JAKMIP3: variants seen among roughly 807,000 people sequenced by gnomAD.
The protein encoded by JAKMIP3 is janus kinase and microtubule-interacting protein 3.
A neutral mutation model predicts 118.5 loss-of-function variants in JAKMIP3; 58 were observed. The observed-to-expected ratio is 0.49, with a 90% CI of 0.40 to 0.61. The LOEUF is 0.61. Ranked by LOEUF, JAKMIP3 falls within the 20% of genes least tolerant of loss-of-function variation. The pLI is 0.00. For missense variants in JAKMIP3, 950 were observed against 1,109.0 expected (o/e 0.86, Z 2.04); for synonymous variants, 486 against 451.2 (o/e 1.08, Z -0.98).
At chr10:132,082,340 T>C (rs548913895) in intron 1 of JAKMIP3, among the ~76,000 whole-genome samples, 191 of 152,250 alleles carry the variant, frequency 1.3e-3, no homozygotes, top group Non-Finnish European at 2.0e-3. Context: ...TCAAGCAGTA[T>C]ACACTGCACC....
At chr10:132,097,928 C>CCCCTTTCCCTT (rs1564892804) in intron 1 of JAKMIP3, among the ~76,000 whole-genome samples, 16 of 20,436 alleles carry the variant, frequency 7.8e-4, no homozygotes, top group Non-Finnish European at 1.7e-3. Context: ...CCCTTTCCTT[C>CCCCTTTCCCTT]CCCTTCCCCT....
rs931821878 is a variant in JAKMIP3, at chr10:132,121,831, G to A, written c.633+4257G>A. ...CTCTCTGAGGGCGCTGCTTCTATGG[G>A]GTGGAACCTGTCCCACCAAGGTCCA... is the stretch of plus-strand genomic sequence containing the variant. On this transcript the variant is annotated intron_variant, in intron 3 of 23. Transcript: ENST00000684848. Among the ~76,000 whole-genome samples, 9 of 152,174 alleles carry A rather than the reference G, an allele frequency of 5.9e-5. No individual in the cohort carries two copies. In the South Asian group the frequency reaches 1.0e-3, roughly 18 times the overall value.
At chr10:132,161,027 G>C (rs2058157591) in intron 19 of JAKMIP3, among the ~76,000 whole-genome samples, 1 of 93,410 alleles carries the variant, frequency 1.1e-5, no homozygotes, top group African/African-American at 4.1e-5. Flanking sequence ...GATGCTGGGG[G>C]GGCCTCTTCC....
At chr10:132,060,281 G>A (rs1425240327), upstream of JAKMIP3, among the ~76,000 whole-genome samples, 2 of 152,130 alleles carry the variant, frequency 1.3e-5, no homozygotes, top group African/African-American at 2.4e-5. Context: ...CAAACTGCCC[G>A]GCCGGGAGGT....
At chr10:132,134,989 C>G (rs565847221) in intron 4 of JAKMIP3, 52 bp from the exon 5 acceptor site, 1 of 1,596,836 alleles carries the variant, frequency 6.3e-7, no homozygotes, top group African/African-American at 1.3e-5. Flanking sequence ...TTTGCAAAGG[C>G]TTCCCAGGCT....
chr10:132,134,250 C>T (rs934993622), intron 4 of JAKMIP3, among the ~76,000 whole-genome samples: 2 of 152,188 alleles, frequency 1.3e-5, no homozygotes, highest in Admixed American at 6.5e-5. Context: ...GAACTCGAGT[C>T]GGGCCCAGGA....
intron 13 of JAKMIP3, 23 bp from the exon 14 acceptor site, chr10:132,147,929 C>A: frequency 6.5e-7 from 1 of 1,535,702 alleles, no homozygotes; most frequent in Non-Finnish European, 8.9e-7. Flanking sequence ...GACCCCTCAC[C>A]TCATGCATCT....
intron 1 of JAKMIP3, among the ~76,000 whole-genome samples, chr10:132,077,070 A>G (rs1262889024): frequency 1.4e-4 from 22 of 152,132 alleles, no homozygotes; most frequent in Non-Finnish European, 1.5e-5. Flanking sequence ...GGCAGCCTCC[A>G]CCCCAGCGTG....
intron 1 of JAKMIP3, among the ~76,000 whole-genome samples, chr10:132,089,525 G>T (rs1182869270): frequency 6.6e-6 from 1 of 152,072 alleles, no homozygotes; most frequent in African/African-American, 2.4e-5. Flanking sequence ...TTATTGGTGT[G>T]TAGGAATGCT....
At chr10:132,145,001 A>G in intron 11 of JAKMIP3, 106 bp from the exon 12 acceptor site, 1 of 846,748 alleles carries the variant, frequency 1.2e-6, no homozygotes, top group Non-Finnish European at 1.9e-6. Context: ...GTCACTTCTC[A>G]ATGAACTGAA....
chr10:132,155,289 C>T (rs947583839), intron 19 of JAKMIP3, among the ~76,000 whole-genome samples: 1 of 152,072 alleles, frequency 6.6e-6, no homozygotes, highest in Non-Finnish European at 1.5e-5. Flanking sequence ...TACTCAAGAG[C>T]CTTTCCTATG....
upstream of JAKMIP3, among the ~76,000 whole-genome samples, chr10:132,063,915 A>C (rs2038497550): frequency 6.6e-6 from 1 of 152,236 alleles, no homozygotes; most frequent in African/African-American, 2.4e-5. Context: ...TGAGTGCAAC[A>C]CACACAGGCA....
intron 1 of JAKMIP3, among the ~76,000 whole-genome samples, chr10:132,087,979 T>C (rs1440743021): frequency 1.3e-5 from 2 of 152,168 alleles, no homozygotes; most frequent in African/African-American, 4.8e-5. Context: ...GTCCTTGTGA[T>C]AATTTGCTGA....
chr10:132,138,211 T>G (rs1564945228), intron 9 of JAKMIP3, 33 bp downstream of exon 9: 2 of 1,575,796 alleles, frequency 1.3e-6, no homozygotes, highest in East Asian at 2.3e-5. Flanking sequence ...GTGCGGAGAG[T>G]ACGCCGGGTG....
At chr10:132,061,404 T>C (rs1209946513), upstream of JAKMIP3, among the ~76,000 whole-genome samples, 1 of 152,218 alleles carries the variant, frequency 6.6e-6, no homozygotes, top group Non-Finnish European at 1.5e-5. Context: ...CCTAAATAAA[T>C]GGAGAACTAG....
chr10:132,167,108 G>C (rs896817993), intron 22 of JAKMIP3, 53 bp downstream of exon 22: 4 of 1,262,478 alleles, frequency 3.2e-6, no homozygotes, highest in African/African-American at 1.5e-5. Context: ...CTTCCCGGAA[G>C]ACTCCTCTGC....
chr10:132,127,545 G>A (rs1467410212), intron 3 of JAKMIP3, among the ~76,000 whole-genome samples: 1 of 152,094 alleles, frequency 6.6e-6, no homozygotes, highest in Admixed American at 6.6e-5. Flanking sequence ...GTGAGCCATG[G>A]CACCTCACTG....
At chr10:132,048,855 T>G (rs1463227133) in intron 1 of JAKMIP3, among the ~76,000 whole-genome samples, 1 of 152,090 alleles carries the variant, frequency 6.6e-6, no homozygotes, top group Non-Finnish European at 1.5e-5. Context: ...TTAGCCAGGA[T>G]AGTCTCGATC....
Position 132,145,264 on chromosome 10 carries a change from G to A in JAKMIP3, c.1686+74G>A, listed in dbSNP as rs555904951. The A allele has an allele frequency of 7.2e-4, 893 of 1,236,538 alleles. 4 individuals are homozygous for A. Among genetic ancestry groups the A allele is most frequent in the Non-Finnish European group, 9.9e-4 (856 of 866,506 alleles). 76.6% of individuals were successfully genotyped at this position (1,236,538 alleles called of 1,614,324 possible). A position where few individuals can be genotyped will look rare whatever the true frequency, so the allele number is the denominator to read the frequency against. ...GGTATTTGGCTGTACCTAAAGACAA[G>A]CTTCAGTGGTGCGATCATAACTTTC... On this transcript the variant is annotated intron_variant, in intron 12 of 23. Transcript: ENST00000684848.
Sources: allele counts gnomAD v4.1 joint callset (sites outside exome capture counted in the v4.1 genomes callset), GRCh38; gene constraint gnomAD v4.1.1; transcripts MANE v1.5; gene names NCBI Gene and HGNC (gene_info 2026-07-23, HGNC 2026-07-21).